The following DECR1 variants were observed in gnomAD, a reference collection of about 807,000 sequenced individuals.
DECR1 encodes the protein 2,4-dienoyl-CoA reductase [(3E)-enoyl-CoA-producing], mitochondrial.
In DECR1, 44 loss-of-function variants were observed where a neutral mutation model predicts 38.8. The observed-to-expected ratio is 1.13, with a 90% confidence interval of 0.89 to 1.46. The LOEUF (loss-of-function observed/expected upper bound fraction) is 1.46. Among genes scored for constraint, DECR1 ranks in the 40% most tolerant of loss-of-function variants. DECR1 has a pLI of 0.00. For synonymous variants in DECR1, 148 were observed against 135.2 expected (o/e 1.09, Z -0.66); for missense variants, 428 against 405.5 (o/e 1.06, Z -0.48).
At chr8:90,050,724 C>T (rs558840832) in intron 8 of DECR1, among the ~76,000 whole-genome samples, 54 of 152,230 alleles carry the variant, frequency 3.5e-4, no homozygotes, top group African/African-American at 1.0e-3. Flanking sequence ...CACATGCACA[C>T]GTATGTTTAT....
Position 90,001,624 on chromosome 8 carries a change from A to G in DECR1, c.69+63A>G, listed in dbSNP as rs983825485. 2.7e-6 allele frequency: 4 copies of G among 1,479,884 alleles called. No individual in the cohort carries two copies. In the East Asian group the frequency reaches 9.3e-5, roughly 34 times the overall value. The allele number at this position is 1,479,884 out of a possible 1,614,324, so 91.7% of individuals were successfully genotyped here. ...GTCTCGACGCGCAAAGAGAGAGGAC[A>G]GGGCGTCACGGGGGCTCGGGGAGCG... On this transcript the variant is annotated intron_variant, in intron 1 of 9. Coordinates refer to ENST00000220764, the MANE Select transcript of DECR1 (RefSeq NM_001359.2).
chr8:90,002,113 T>TTC (rs778101725), intron 1 of DECR1, among the ~76,000 whole-genome samples: 5 of 152,088 alleles, frequency 3.3e-5, no homozygotes, highest in Non-Finnish European at 5.9e-5. Context: ...GTTTTCACAG[T>TTC]TCTGCAAGTT....
intron 5 of DECR1, among the ~76,000 whole-genome samples, chr8:90,032,210 A>C (rs1272815056): frequency 6.6e-6 from 1 of 152,114 alleles, no homozygotes; most frequent in Non-Finnish European, 1.5e-5. Flanking sequence ...TTGTGGTTGT[A>C]GGACTGAAGT....
chr8:90,018,288 T>TAGGCATATTC (rs1813061149), intron 2 of DECR1, among the ~76,000 whole-genome samples: 1 of 152,192 alleles, frequency 6.6e-6, no homozygotes, highest in Non-Finnish European at 1.5e-5. Flanking sequence ...TTCTTCTTAT[T>TAGGCATATTC]AGGCATATTC....
chr8:90,042,319 G>T lies in DECR1; in HGVS notation c.666-409G>T, dbSNP rs113274362. On this transcript the variant is annotated intron_variant, in intron 6 of 9. Coordinates refer to ENST00000220764, the MANE Select transcript of DECR1 (RefSeq NM_001359.2). ...AAGACTGAACTCCAGAAAATGTGAGGGAAGGGCATGAAGCACTCACGTTTT... is the reference window on the plus strand; with the variant it reads ...AAGACTGAACTCCAGAAAATGTGAGTGAAGGGCATGAAGCACTCACGTTTT... Among the ~76,000 whole-genome samples the T allele has an allele frequency of 2.4e-3, 371 of 152,204 alleles. 3 individuals are homozygous for T. The highest frequency in any genetic ancestry group is 7.8e-3 in the African/African-American group (323 of 41,572).
chr8:90,032,208 G>A (rs1272786992), intron 5 of DECR1, among the ~76,000 whole-genome samples: 1 of 152,064 alleles, frequency 6.6e-6, no homozygotes, highest in East Asian at 1.9e-4. Context: ...TCTTGTGGTT[G>A]TAGGACTGAA....
chr8:90,032,180 C>T (rs7845155), intron 5 of DECR1, among the ~76,000 whole-genome samples: 6,505 of 151,986 alleles, frequency 0.043, 283 homozygotes, highest in East Asian at 0.19. Flanking sequence ...TCATTTAGGT[C>T]GTTGGAAGAA....
chr8:90,051,726 A>C lies in DECR1; in HGVS notation c.935A>C (p.Asn312Thr). The C allele has an allele frequency of 6.2e-7, 1 of 1,613,278 alleles. No individual in the cohort carries two copies. The highest frequency in any genetic ancestry group is 8.5e-7 in the Non-Finnish European group (1 of 1,179,856). The part of the protein sequence containing the change: ...GEEVLISGEF[N>T]DLRKVTKEQW... ...GAAGTACTTATTTCAGGGGAATTCA[A>C]CGACCTGAGAAAGGTAATGCTTTTG... The change falls in exon 9 of 10, where the codon AAC becomes ACC. Residue 312 changes from asparagine (N) to threonine (T), a missense_variant. Asn to Thr is a moderately conservative substitution (Grantham distance 65). Coordinates refer to ENST00000220764, the MANE Select transcript of DECR1 (RefSeq NM_001359.2).
At chr8:90,019,320 C>A in intron 4 of DECR1, 148 bp downstream of exon 4, 2 of 631,746 alleles carry the variant, frequency 3.2e-6, no homozygotes, top group Non-Finnish European at 5.5e-6. Flanking sequence ...CTTGGCTTCA[C>A]CCAGGAAAGA....
chr8:90,046,416 G>A lies in DECR1; in HGVS notation c.885+1421G>A, dbSNP rs528238581. 2.0e-4 allele frequency among the ~76,000 whole-genome samples: 31 copies of A among 152,308 alleles called. 1 individual carries two copies. The East Asian group carries it at 4.6e-3, about 23-fold the overall frequency. On this transcript the variant is annotated intron_variant, in intron 8 of 9. Coordinates refer to ENST00000220764, the MANE Select transcript of DECR1 (RefSeq NM_001359.2). ...ATGAACAAGCTTCAGTAGCTGATTCGATCAAGTGGAGGAAAGGGTATCAGT... is the reference window on the plus strand; with the variant it reads ...ATGAACAAGCTTCAGTAGCTGATTCAATCAAGTGGAGGAAAGGGTATCAGT...
chr8:90,052,877 C>T lies in DECR1; in HGVS notation c.*980C>T, dbSNP rs1814131665. Reference sequence around the variant, plus strand: ...TCACTAGACTGACTATCCCCATTGCCCAAGTTGACACAAGAGGAAACCAGC... The same window carrying T: ...TCACTAGACTGACTATCCCCATTGCTCAAGTTGACACAAGAGGAAACCAGC... On this transcript the variant is annotated 3_prime_UTR_variant, in exon 10 of 10. Transcript: ENST00000220764. Among the ~76,000 whole-genome samples, 1 of 152,064 alleles carries T rather than the reference C, an allele frequency of 6.6e-6. No homozygotes were observed. Among genetic ancestry groups the T allele is most frequent in the South Asian group, 2.1e-4 (1 of 4,816 alleles).
At chr8:90,013,647 C>T (rs1010557304) in intron 1 of DECR1, among the ~76,000 whole-genome samples, 1 of 152,004 alleles carries the variant, frequency 6.6e-6, no homozygotes, top group African/African-American at 2.4e-5. Context: ...GAGCTTCTGA[C>T]TTTTATGTGA....
chr8:90,001,565 A>G lies in DECR1; in HGVS notation c.69+4A>G. Reference sequence around the variant, plus strand: ...CTGTGGCCTCGCTCCTCGGAGGGTAAGGCGGCCGGGGGCGCGGGGAGCGAG... The same window carrying G: ...CTGTGGCCTCGCTCCTCGGAGGGTAGGGCGGCCGGGGGCGCGGGGAGCGAG... On this transcript the variant is annotated splice_donor_region_variant and intron_variant, in intron 1 of 9. Transcript: ENST00000220764. The G allele has an allele frequency of 6.2e-7, 1 of 1,611,704 alleles. No homozygotes were observed.
intron 8 of DECR1, among the ~76,000 whole-genome samples, chr8:90,048,766 T>C (rs1409603741): frequency 6.6e-6 from 1 of 152,208 alleles, no homozygotes; most frequent in Non-Finnish European, 1.5e-5. Context: ...ATATTCCTGA[T>C]GAACATTGAT....
intron 1 of DECR1, chr8:90,005,602 A>G (rs770937619): frequency 8.1e-6 from 3 of 372,602 alleles, no homozygotes; most frequent in African/African-American, 2.1e-5. Context: ...CTGGCTCCCA[A>G]AAGGAAGAAG....
chr8:90,017,191 C>T lies in DECR1; in HGVS notation c.137C>T (p.Pro46Leu), dbSNP rs769450845. Residue 46 changes from proline to leucine, a missense_variant, in exon 2 of 10, where the codon CCT becomes CTT. By Grantham distance (98) the Pro-to-Leu change is moderately conservative (BLOSUM62 -3). Transcript: ENST00000220764. ...GCTTTGCAATCTAAATTCTTTTCAC[C>T]TCTTCAAAAAGCGATGCTACCACCT... ...TEALQSKFFS[P>L]LQKAMLPPNS... The T allele has an allele frequency of 4.3e-6, 7 of 1,613,992 alleles. No individual in the cohort carries two copies. The highest frequency in any genetic ancestry group is 3.3e-5 in the South Asian group (3 of 91,074).
intron 7 of DECR1, among the ~76,000 whole-genome samples, 195 bp downstream of exon 7, chr8:90,042,995 G>A (rs1018202575): frequency 6.6e-6 from 1 of 152,076 alleles, no homozygotes; most frequent in East Asian, 1.9e-4. Context: ...TAGCAGCTAT[G>A]CAATTTCTTC....
At chr8:90,009,727 G>T (rs901718993) in intron 1 of DECR1, among the ~76,000 whole-genome samples, 1 of 152,162 alleles carries the variant, frequency 6.6e-6, no homozygotes, top group African/African-American at 2.4e-5. Flanking sequence ...TTATAGTTTT[G>T]GTTAACATGA....
chr8:90,042,712 T>C lies in DECR1; in HGVS notation c.666-16T>C. 6.2e-7 allele frequency: 1 copy of C among 1,608,122 alleles called. No individual in the cohort carries two copies. Among genetic ancestry groups the C allele is most frequent in the Non-Finnish European group, 8.5e-7 (1 of 1,174,982 alleles). On this transcript the variant is annotated splice_polypyrimidine_tract_variant and intron_variant, in intron 6 of 9. Transcript: ENST00000220764. Reference sequence around the variant, plus strand: ...TATAATATTTCAGAATGTATGTTGTTGATTTTAATTTTTAGGTCTCTTGCA... The same window carrying C: ...TATAATATTTCAGAATGTATGTTGTCGATTTTAATTTTTAGGTCTCTTGCA...
Sources: gnomAD v4.1 joint callset for allele counts (sites outside exome capture counted in the v4.1 genomes callset) on GRCh38, gnomAD v4.1.1 for gene constraint, MANE v1.5 for transcripts, NCBI Gene and HGNC (gene_info 2026-07-23, HGNC 2026-07-21) for gene names.